NSD3: variants seen among roughly 807,000 people sequenced by gnomAD.
NSD3 encodes histone-lysine N-methyltransferase NSD3.
In NSD3, 24 loss-of-function variants were observed where a neutral mutation model predicts 160.8. The ratio of observed to expected loss-of-function variants is 0.15; its 90% CI spans 0.11 to 0.21. NSD3 has a LOEUF of 0.21. Among genes scored for constraint, NSD3 ranks in the 10% least tolerant of loss-of-function variants. The pLI is 1.00. For synonymous variants in NSD3, 520 were observed against 600.0 expected, an observed-to-expected ratio of 0.87 and a Z score of 1.95; for missense variants, 1,157 against 1,735.9, an observed-to-expected ratio of 0.67 and a Z score of 5.93.
chr8:38,369,033 G>A (rs1265325599), intron 1 of NSD3, among the ~76,000 whole-genome samples: 4 of 152,116 alleles, frequency 2.6e-5, no homozygotes, highest in African/African-American at 9.7e-5. Flanking sequence ...AGGCAAAAGA[G>A]AATGTATGCC....
chr8:38,372,495 CTTT>C (rs565709775), intron 1 of NSD3, among the ~76,000 whole-genome samples: 9 of 132,686 alleles, frequency 6.8e-5, no homozygotes, highest in Admixed American at 7.6e-5. Flanking sequence ...TCTTCAGGTT[CTTT>C]TTTTTTTTTT....
intron 1 of NSD3, among the ~76,000 whole-genome samples, chr8:38,376,094 CTATT>C (rs955027473): frequency 4.6e-5 from 7 of 152,148 alleles, no homozygotes; most frequent in Middle Eastern, 3.4e-3. Flanking sequence ...ACCAATGTCT[CTATT>C]TTTTTTCCAG....
At chr8:38,339,544 G>GTTT in intron 2 of NSD3, among the ~76,000 whole-genome samples, 1 of 152,194 alleles carries the variant, frequency 6.6e-6, no homozygotes, top group South Asian at 2.1e-4. Flanking sequence ...GGCCAACATG[G>GTTT]TGAAACCCCG....
At chr8:38,352,820 G>C (rs1810735472) in intron 1 of NSD3, among the ~76,000 whole-genome samples, 1 of 152,162 alleles carries the variant, frequency 6.6e-6, no homozygotes, top group Non-Finnish European at 1.5e-5. Context: ...TGCCCAGGCT[G>C]ATCTCGAGCT....
chr8:38,358,610 C>T (rs1043755698), intron 1 of NSD3, among the ~76,000 whole-genome samples: 5 of 151,946 alleles, frequency 3.3e-5, no homozygotes, highest in Admixed American at 6.6e-5. Context: ...TTGTTTTAAA[C>T]GCAGTACATA....
intron 11 of NSD3, 57 bp from the exon 12 acceptor site, chr8:38,314,830 G>A (rs1809618042): frequency 6.4e-7 from 1 of 1,563,056 alleles, no homozygotes; most frequent in East Asian, 2.3e-5. Flanking sequence ...AAGACCACAT[G>A]GGCGGCTTGT....
chr8:38,380,097 C>T (rs959619185), intron 1 of NSD3, among the ~76,000 whole-genome samples: 2 of 152,190 alleles, frequency 1.3e-5, no homozygotes, highest in Non-Finnish European at 2.9e-5. Flanking sequence ...GCCTACTTCA[C>T]AGATCATTGC....
At chr8:38,381,186 T>C (rs974686589) in intron 1 of NSD3, among the ~76,000 whole-genome samples, 2 of 152,138 alleles carry the variant, frequency 1.3e-5, no homozygotes, top group Non-Finnish European at 2.9e-5. Context: ...CATCATTCAG[T>C]TAATTTCCTT....
Position 38,271,724 on chromosome 8 carries a change from C to T in NSD3, c.*3917G>A, listed in dbSNP as rs1808488567. 1 of 152,186 alleles carries T rather than the reference C, an allele frequency of 6.6e-6. No homozygotes were observed. The highest frequency in any genetic ancestry group is 1.5e-5 in the Non-Finnish European group (1 of 68,036). The allele number at this position is 152,186 out of a possible 1,614,324, so 9.4% of individuals were successfully genotyped here. ...CAGCCTTGTGAAAAGTAACTTTAGT[C>T]TACGCTGCCCAGAAATAAAGCAACT... On this transcript the variant is annotated 3_prime_UTR_variant, in exon 24 of 24. Coordinates refer to ENST00000317025, the MANE Select transcript of NSD3 (RefSeq NM_023034.2).
chr8:38,351,438 G>A (rs1810699288), intron 1 of NSD3, among the ~76,000 whole-genome samples: 3 of 151,264 alleles, frequency 2.0e-5, no homozygotes, highest in African/African-American at 7.3e-5. Context: ...GCCGAGGTGG[G>A]TGGATCACGA....
intron 1 of NSD3, among the ~76,000 whole-genome samples, chr8:38,351,788 G>A (rs771768248): frequency 6.6e-6 from 1 of 151,462 alleles, no homozygotes; most frequent in Non-Finnish European, 1.5e-5. Context: ...ACCAAACACC[G>A]CAGGTTCTCA....
At chr8:38,306,236 A>G (rs1194653552) in intron 12 of NSD3, among the ~76,000 whole-genome samples, 2 of 152,162 alleles carry the variant, frequency 1.3e-5, no homozygotes, top group African/African-American at 2.4e-5. Context: ...CCAATCCTAC[A>G]AACATTAAAA....
intron 2 of NSD3, among the ~76,000 whole-genome samples, chr8:38,341,957 A>C (rs896463334): frequency 2.0e-5 from 3 of 152,180 alleles, no homozygotes; most frequent in African/African-American, 7.2e-5. Context: ...AAAAAACAAA[A>C]AAAAAAGGAC....
chr8:38,328,578 CTAAT>C (rs1446493652), intron 6 of NSD3, among the ~76,000 whole-genome samples: 1 of 152,152 alleles, frequency 6.6e-6, no homozygotes, highest in Non-Finnish European at 1.5e-5. Context: ...CCCTGTTTAA[CTAAT>C]TAATCTGCAT....
intron 2 of NSD3, among the ~76,000 whole-genome samples, chr8:38,338,881 C>A (rs888120869): frequency 2.6e-5 from 4 of 152,098 alleles, no homozygotes; most frequent in African/African-American, 9.7e-5. Context: ...GTAGCTCATG[C>A]CTGTAATCCC....
At chr8:38,346,725 A>C (rs929543781) in intron 2 of NSD3, among the ~76,000 whole-genome samples, 4 of 152,182 alleles carry the variant, frequency 2.6e-5, no homozygotes, top group African/African-American at 9.6e-5. Context: ...ACCAAGGAAA[A>C]GATGAATAGG....
At chr8:38,292,776 G>T (rs1201444089) in intron 16 of NSD3, among the ~76,000 whole-genome samples, 1 of 151,546 alleles carries the variant, frequency 6.6e-6, no homozygotes. Context: ...GCAACAGTGT[G>T]AGACTCTGTC....
chr8:38,357,118 C>CAAAAAAAAAAAAAAAA (rs966483645), intron 1 of NSD3, among the ~76,000 whole-genome samples: 2 of 21,318 alleles, frequency 9.4e-5, no homozygotes, highest in East Asian at 1.8e-3. Flanking sequence ...GACACCATCT[C>CAAAAAAAAAAAAAAAA]AAAAAAAAAA....
intron 7 of NSD3, among the ~76,000 whole-genome samples, chr8:38,324,476 T>C (rs2150373161): frequency 6.6e-6 from 1 of 152,344 alleles, no homozygotes; most frequent in East Asian, 1.9e-4. Flanking sequence ...ATTTACACTT[T>C]ATGCCACTCA....
Sources: allele counts gnomAD v4.1 joint callset (sites outside exome capture counted in the v4.1 genomes callset), GRCh38; gene constraint gnomAD v4.1.1; transcripts MANE v1.5; gene names NCBI Gene and HGNC (gene_info 2026-07-23, HGNC 2026-07-21).